DLG2: variants seen among roughly 807,000 people sequenced by gnomAD.
DLG2 encodes disks large homolog 2.
A neutral mutation model predicts 132.5 loss-of-function variants in DLG2; 45 were observed. That is an observed-to-expected ratio of 0.34 (90% CI 0.27 to 0.44). The LOEUF is 0.44. DLG2 is among the 20% of genes least tolerant of loss of function. The pLI is 1.00. For synonymous variants in DLG2, 424 were observed against 419.6 expected (o/e 1.01, Z -0.13); for missense variants, 1,045 against 1,196.9 (o/e 0.87, Z 1.87).
intron 6 of DLG2, chr11:84,923,006 A>G (rs2092829928): frequency 1.3e-6 from 2 of 1,588,922 alleles, no homozygotes. Context: ...CTGAAGCTAC[A>G]CAAGGTAGAC....
At chr11:84,665,215 AATG>A (rs1258951349) in intron 6 of DLG2, among the ~76,000 whole-genome samples, 1 of 152,170 alleles carries the variant, frequency 6.6e-6, no homozygotes, top group African/African-American at 2.4e-5. Context: ...ACACATTGAT[AATG>A]ATGATATATA....
At chr11:83,842,799 G>C (rs1375882947) in intron 16 of DLG2, among the ~76,000 whole-genome samples, 24 of 137,674 alleles carry the variant, frequency 1.7e-4, no homozygotes, top group African/African-American at 6.4e-4. Context: ...CTGGGCGACA[G>C]AGCAAGACTC....
Position 84,833,544 on chromosome 11 carries a change from T to C in DLG2, c.357+278117A>G, listed in dbSNP as rs184918849. ...TTTCACATTGACATCATCAACTCCT[T>C]AGTATGTAATTTAGCTTCTCTGAGC... On this transcript the variant is annotated intron_variant, in intron 6 of 27. Transcript: ENST00000376104. 4.6e-5 allele frequency among the ~76,000 whole-genome samples: 7 copies of C among 151,574 alleles called. No homozygotes were observed. In the East Asian group the frequency reaches 1.4e-3, roughly 30 times the overall value.
chr11:83,647,169 A>C (rs772811203), intron 18 of DLG2: 5 of 150,398 alleles, frequency 3.3e-5, no homozygotes, highest in Non-Finnish European at 7.4e-5. Context: ...ATAAATCTCT[A>C]TGCCAAGTCA....
intron 4 of DLG2, among the ~76,000 whole-genome samples, chr11:85,160,510 CT>C: frequency 6.6e-6 from 1 of 152,280 alleles, no homozygotes; most frequent in Non-Finnish European, 1.5e-5. Context: ...GAACGTTTGA[CT>C]ATAGGTCATC....
At chr11:83,699,734 AAAT>A (rs59518828) in intron 18 of DLG2, among the ~76,000 whole-genome samples, 45,204 of 146,644 alleles carry the variant, frequency 0.31, 8,037 homozygotes, top group African/African-American at 0.51. Context: ...AATAATTTAA[AAAT>A]AATAATAATA....
intron 14 of DLG2, among the ~76,000 whole-genome samples, chr11:83,933,016 C>T (rs888166371): frequency 1.3e-5 from 2 of 152,180 alleles, no homozygotes; most frequent in Non-Finnish European, 2.9e-5. Context: ...ACAGACTTCT[C>T]GGCCCTGAGT....
intron 7 of DLG2, among the ~76,000 whole-genome samples, chr11:84,370,062 C>G (rs2098699801): frequency 6.6e-6 from 1 of 152,088 alleles, no homozygotes; most frequent in African/African-American, 2.4e-5. Flanking sequence ...AGGGTATTTA[C>G]CTCTTCTTCC....
At chr11:83,975,833 AG>A (rs1391218845) in intron 12 of DLG2, among the ~76,000 whole-genome samples, 1 of 151,960 alleles carries the variant, frequency 6.6e-6, no homozygotes, top group Non-Finnish European at 1.5e-5. Context: ...CTATGAATAA[AG>A]GGGGACATTT....
chr11:85,374,137 T>G (rs2085211520), intron 3 of DLG2, among the ~76,000 whole-genome samples: 1 of 152,200 alleles, frequency 6.6e-6, no homozygotes, highest in Non-Finnish European at 1.5e-5. Context: ...GCAGACAGTT[T>G]TTGAGCTGCA....
intron 4 of DLG2, among the ~76,000 whole-genome samples, chr11:85,219,591 TC>T (rs1414612161): frequency 6.6e-6 from 1 of 151,656 alleles, no homozygotes; most frequent in Non-Finnish European, 1.5e-5. Context: ...ATCCTGATGT[TC>T]CTTTCCTTGG....
At chr11:85,593,661 C>T (rs761212776) in intron 3 of DLG2, among the ~76,000 whole-genome samples, 2 of 152,140 alleles carry the variant, frequency 1.3e-5, no homozygotes, top group Non-Finnish European at 2.9e-5. Flanking sequence ...TTAAATAATC[C>T]TTCACTTCCT....
chr11:84,830,709 A>C (rs2078925558), intron 6 of DLG2, among the ~76,000 whole-genome samples: 2 of 151,552 alleles, frequency 1.3e-5, no homozygotes, highest in Non-Finnish European at 3.0e-5. Flanking sequence ...AATGAGAGGA[A>C]CTTGGTAATA....
At chr11:85,600,211 C>A (rs911176131) in intron 2 of DLG2, among the ~76,000 whole-genome samples, 1 of 152,160 alleles carries the variant, frequency 6.6e-6, no homozygotes, top group Non-Finnish European at 1.5e-5. Flanking sequence ...AAGGTCAACT[C>A]CTCTCTTGAG....
intron 7 of DLG2, among the ~76,000 whole-genome samples, chr11:84,416,508 C>T (rs1453330134): frequency 6.6e-6 from 1 of 152,174 alleles, no homozygotes; most frequent in Non-Finnish European, 1.5e-5. Flanking sequence ...CAAGGATGCT[C>T]TGAATAACTG....
chr11:84,996,471 G>T (rs1425306736), intron 6 of DLG2, among the ~76,000 whole-genome samples: 1 of 152,094 alleles, frequency 6.6e-6, no homozygotes, highest in African/African-American at 2.4e-5. Flanking sequence ...TAAGTCACCA[G>T]TGGTAATTCA....
intron 4 of DLG2, among the ~76,000 whole-genome samples, chr11:85,171,678 C>A (rs922151756): frequency 6.6e-6 from 1 of 152,196 alleles, no homozygotes; most frequent in Non-Finnish European, 1.5e-5. Flanking sequence ...TTCCAGCCAG[C>A]CAGTGGCAGC....
chr11:84,656,633 T>C (rs1182474874), intron 6 of DLG2, among the ~76,000 whole-genome samples: 3 of 152,132 alleles, frequency 2.0e-5, no homozygotes, highest in Admixed American at 2.0e-4. Context: ...AAGAGTATAG[T>C]TGAATTTAAA....
At chr11:84,197,235 T>C (rs1453269423) in intron 8 of DLG2, among the ~76,000 whole-genome samples, 1 of 152,128 alleles carries the variant, frequency 6.6e-6, no homozygotes, top group Non-Finnish European at 1.5e-5. Context: ...TAGGTCCACA[T>C]ACCTAATATA....
Sources: gnomAD v4.1 joint callset for allele counts (sites outside exome capture counted in the v4.1 genomes callset) on GRCh38, gnomAD v4.1.1 for gene constraint, MANE v1.5 for transcripts, NCBI Gene and HGNC (gene_info 2026-07-23, HGNC 2026-07-21) for gene names.